The following UBAC2 variants were observed in gnomAD, a reference collection of about 807,000 sequenced individuals.
UBAC2 encodes ubiquitin-associated domain-containing protein 2.
UBAC2 carries 26 observed loss-of-function variants against 44.0 expected under a neutral mutation model. The ratio of observed to expected loss-of-function variants is 0.59; its 90% CI spans 0.43 to 0.82. UBAC2 has a LOEUF of 0.82. UBAC2 is among the 40% of genes least tolerant of loss of function. UBAC2 has a pLI of 0.00. For synonymous variants in UBAC2, 155 were observed against 154.3 expected (o/e 1.00, Z -0.04); for missense variants, 329 against 419.4 (o/e 0.78, Z 1.88).
intron 4 of UBAC2, chr13:99,294,918 G>T: frequency 1.2e-6 from 1 of 826,504 alleles, no homozygotes; most frequent in Non-Finnish European, 1.9e-6. Context: ...GCTTACTTCC[G>T]AGTTGGAGAT....
intron 4 of UBAC2, among the ~76,000 whole-genome samples, chr13:99,306,548 T>TA (rs1594110453): frequency 6.6e-6 from 1 of 151,848 alleles, no homozygotes; most frequent in Non-Finnish European, 1.5e-5. Context: ...CACACATATA[T>TA]AAAACCCTCA....
At chr13:99,254,711 T>C in intron 4 of UBAC2, 3 of 591,466 alleles carry the variant, frequency 5.1e-6, no homozygotes, top group Non-Finnish European at 8.5e-6. Flanking sequence ...GATGCTTTTC[T>C]CTGAATAATT....
intron 4 of UBAC2, chr13:99,255,055 A>G: frequency 6.2e-7 from 1 of 1,614,066 alleles, no homozygotes; most frequent in Non-Finnish European, 8.5e-7. Flanking sequence ...GTTCATGAGG[A>G]AGGTGGTAAA....
intron 1 of UBAC2, among the ~76,000 whole-genome samples, chr13:99,232,402 A>C (rs1162850184): frequency 7.2e-6 from 1 of 138,562 alleles, no homozygotes; most frequent in African/African-American, 2.6e-5. Flanking sequence ...GTTGAGAGAT[A>C]TAGATATATA....
intron 1 of UBAC2, among the ~76,000 whole-genome samples, chr13:99,222,432 A>G (rs2043061287): frequency 1.3e-5 from 2 of 152,150 alleles, no homozygotes; most frequent in Admixed American, 1.3e-4. Flanking sequence ...TGATGCTAAT[A>G]CCTCCACTTC....
chr13:99,280,642 T>C (rs1366487888), intron 4 of UBAC2, among the ~76,000 whole-genome samples: 1 of 152,218 alleles, frequency 6.6e-6, no homozygotes, highest in Non-Finnish European at 1.5e-5. Flanking sequence ...TCTTACTCTC[T>C]CTTACAGCTC....
At chr13:99,266,429 A>G (rs1353043674) in intron 4 of UBAC2, among the ~76,000 whole-genome samples, 3 of 152,038 alleles carry the variant, frequency 2.0e-5, no homozygotes, top group Admixed American at 6.6e-5. Context: ...GTTGGACTGC[A>G]TTCAAAGCTG....
chr13:99,251,001 G>A (rs1488386008), intron 4 of UBAC2, among the ~76,000 whole-genome samples: 1 of 151,992 alleles, frequency 6.6e-6, no homozygotes, highest in African/African-American at 2.4e-5. Context: ...AGCCTGCCTC[G>A]GCCTCCCAAA....
intron 4 of UBAC2, among the ~76,000 whole-genome samples, chr13:99,302,447 C>A (rs1205350441): frequency 2.0e-5 from 3 of 152,170 alleles, no homozygotes; most frequent in Non-Finnish European, 4.4e-5. Flanking sequence ...CAAACCTGCT[C>A]CAGGGAAGAA....
chr13:99,201,572 G>T lies in UBAC2; in HGVS notation c.31+633G>T, dbSNP rs373233662. On this transcript the variant is annotated intron_variant, in intron 1 of 8. Transcript: ENST00000403766. ...CGTGTTAGCGGTGGTCAGCAGGTAGGGGGCGGAGTATTTTTACAGCCAGTT... is the reference window on the plus strand; with the variant it reads ...CGTGTTAGCGGTGGTCAGCAGGTAGTGGGCGGAGTATTTTTACAGCCAGTT... The T allele has an allele frequency of 1.9e-6, 3 of 1,613,674 alleles. No individual in the cohort carries two copies. In the African/African-American group the frequency reaches 4.0e-5, roughly 22 times the overall value.
chr13:99,347,432 A>C (rs181405955), intron 7 of UBAC2, among the ~76,000 whole-genome samples: 1 of 146,014 alleles, frequency 6.8e-6, no homozygotes, highest in Non-Finnish European at 1.5e-5. Context: ...AGAGATGGGG[A>C]TGAGAAGCGC....
intron 4 of UBAC2, among the ~76,000 whole-genome samples, chr13:99,302,172 A>G (rs757468937): frequency 1.3e-5 from 2 of 152,228 alleles, no homozygotes; most frequent in Non-Finnish European, 2.9e-5. Context: ...AGCCACCCAG[A>G]TGCAGCCACA....
chr13:99,246,937 T>C (rs1179741178), intron 4 of UBAC2, among the ~76,000 whole-genome samples: 1 of 152,232 alleles, frequency 6.6e-6, no homozygotes, highest in Non-Finnish European at 1.5e-5. Flanking sequence ...ACATAGACTT[T>C]TTGGAACACA....
Position 99,215,710 on chromosome 13 carries a change from C to A in UBAC2, c.31+14771C>A, listed in dbSNP as rs187110183. ...CCGGCTCTCTGCGAGCGGGAAACCG[C>A]CTTTGTCTTGGCCTTTCCGGAGTCC... On this transcript the variant is annotated intron_variant, in intron 1 of 8. Transcript: ENST00000403766. 3.9e-3 allele frequency: 5,899 copies of A among 1,500,192 alleles called. 14 individuals carry two copies. The highest frequency in any genetic ancestry group is 4.6e-3 in the Non-Finnish European group (5,184 of 1,120,054). The allele number at this position is 1,500,192 out of a possible 1,614,324, so 92.9% of individuals were successfully genotyped here.
intron 4 of UBAC2, among the ~76,000 whole-genome samples, chr13:99,287,295 G>T (rs1027397550): frequency 7.9e-5 from 12 of 152,240 alleles, no homozygotes; most frequent in Non-Finnish European, 1.6e-4. Flanking sequence ...GCAGGCACAG[G>T]CAGGTACCAG....
chr13:99,223,802 A>T (rs144628337), intron 1 of UBAC2, among the ~76,000 whole-genome samples: 2 of 151,890 alleles, frequency 1.3e-5, no homozygotes, highest in Non-Finnish European at 2.9e-5. Context: ...GGGATTTTCC[A>T]TCTTTCTGCT....
Position 99,355,577 on chromosome 13 carries a change from C to G in UBAC2, c.808-12210C>G, listed in dbSNP as rs532335405. ...CCACCACCTCCTCCTCACAGAGCAGCCTTAGCATTCTCATTCTCTACCAAA... is the reference window on the plus strand; with the variant it reads ...CCACCACCTCCTCCTCACAGAGCAGGCTTAGCATTCTCATTCTCTACCAAA... On this transcript the variant is annotated intron_variant, in intron 7 of 8. Transcript: ENST00000403766. 6.6e-4 allele frequency among the ~76,000 whole-genome samples: 100 copies of G among 152,258 alleles called. 1 individual carries two copies. Among genetic ancestry groups the G allele is most frequent in the Non-Finnish European group, 1.3e-3 (88 of 68,044 alleles).
At chr13:99,214,736 AC>A (rs1268991120) in intron 1 of UBAC2, among the ~76,000 whole-genome samples, 1 of 151,442 alleles carries the variant, frequency 6.6e-6, no homozygotes. Flanking sequence ...ATTGTCCCCC[AC>A]CCCACCCTTT....
intron 8 of UBAC2, among the ~76,000 whole-genome samples, chr13:99,384,244 G>T (rs2045589558): frequency 6.6e-6 from 1 of 152,206 alleles, no homozygotes; most frequent in Non-Finnish European, 1.5e-5. Flanking sequence ...CCTCTTTAAT[G>T]CGCAAGTGGC....
Sources: allele counts gnomAD v4.1 joint callset (sites outside exome capture counted in the v4.1 genomes callset), GRCh38; gene constraint gnomAD v4.1.1; transcripts MANE v1.5; gene names NCBI Gene and HGNC (gene_info 2026-07-23, HGNC 2026-07-21).